Variants in NPLOC4 observed in about 807,000 individuals in gnomAD.
NPLOC4 encodes the protein NPL4 homolog, ubiquitin recognition factor, also known as nuclear protein localization protein 4 homolog.
A neutral mutation model predicts 80.6 loss-of-function variants in NPLOC4; 18 were observed. The ratio of observed to expected loss-of-function variants is 0.22; its 90% confidence interval spans 0.15 to 0.33. NPLOC4 has a LOEUF of 0.33. NPLOC4 is among the 10% of genes least tolerant of loss of function. The pLI is 1.00. For missense variants in NPLOC4, 540 were observed against 786.1 expected (o/e 0.69, Z 3.74); for synonymous variants, 313 against 301.5 (o/e 1.04, Z -0.39).
intron 2 of NPLOC4, among the ~76,000 whole-genome samples, chr17:81,624,584 C>T (rs1263367094): frequency 6.6e-6 from 1 of 151,710 alleles, no homozygotes; most frequent in African/African-American, 2.4e-5. Context: ...GGCAACGGAA[C>T]AAGACTCCAC....
intron 16 of NPLOC4, chr17:81,564,109 C>CACACAG (rs1555677875): frequency 4.8e-5 from 16 of 334,908 alleles, no homozygotes; most frequent in East Asian, 8.6e-5. Flanking sequence ...CACACACACA[C>CACACAG]ACACACACAA....
At chr17:81,569,261 T>C (rs1016500085) in intron 13 of NPLOC4, 150 bp from the exon 14 acceptor site, 2 of 614,694 alleles carry the variant, frequency 3.3e-6, no homozygotes, top group African/African-American at 1.8e-5. Flanking sequence ...AGGGAACCGT[T>C]ATCTATTAGT....
chr17:81,633,047 G>A (rs921609594), intron 1 of NPLOC4, among the ~76,000 whole-genome samples: 3 of 150,092 alleles, frequency 2.0e-5, no homozygotes, highest in African/African-American at 7.4e-5. Flanking sequence ...GGAGAATGGC[G>A]TGAACCCAGG....
chr17:81,591,307 C>T (rs1173151744), intron 11 of NPLOC4, among the ~76,000 whole-genome samples: 2 of 151,752 alleles, frequency 1.3e-5, no homozygotes, highest in South Asian at 2.1e-4. Flanking sequence ...TGGTGGCGTG[C>T]ACCTGTAATC....
At chr17:81,611,982 G>T in intron 4 of NPLOC4, among the ~76,000 whole-genome samples, 1 of 147,510 alleles carries the variant, frequency 6.8e-6, no homozygotes. Flanking sequence ...AAAAAGAAAA[G>T]TGTTAAATAA....
At chr17:81,610,407 T>TTTTAA in intron 4 of NPLOC4, 149 bp from the exon 5 acceptor site, 2 of 693,244 alleles carry the variant, frequency 2.9e-6, no homozygotes, top group Non-Finnish European at 2.5e-6. Context: ...AACATTTATA[T>TTTTAA]TTTAATTGTT....
Position 81,596,249 on chromosome 17 carries a change from C to T in NPLOC4, c.994-7G>A. The T allele has an allele frequency of 6.2e-7, 1 of 1,603,452 alleles. No individual in the cohort carries two copies. The highest frequency in any genetic ancestry group is 1.1e-5 in the South Asian group (1 of 90,112). ...AACTTAGGAAATAGGTGTCCTAAGA[C>T]AAGAGAAGCAGCCTATCAAATTTTA... On this transcript the variant is annotated splice_polypyrimidine_tract_variant and splice_region_variant and intron_variant, in intron 10 of 16. Coordinates refer to ENST00000331134, the MANE Select transcript of NPLOC4 (RefSeq NM_017921.4).
At chr17:81,592,022 T>C (rs766598914) in intron 11 of NPLOC4, among the ~76,000 whole-genome samples, 4 of 152,284 alleles carry the variant, frequency 2.6e-5, no homozygotes, top group Admixed American at 6.5e-5. Context: ...GCACACTTCA[T>C]TGGGGCTCTT....
intron 13 of NPLOC4, among the ~76,000 whole-genome samples, chr17:81,570,289 G>T (rs923979634): frequency 6.6e-6 from 1 of 152,244 alleles, no homozygotes; most frequent in African/African-American, 2.4e-5. Context: ...GGATGAAGAT[G>T]ATCGGAGTAC....
intron 11 of NPLOC4, among the ~76,000 whole-genome samples, chr17:81,593,794 G>T (rs1274746505): frequency 6.6e-6 from 1 of 151,592 alleles, no homozygotes; most frequent in Non-Finnish European, 1.5e-5. Flanking sequence ...TCCCCTCCTG[G>T]GTGCCCAGTG....
At chr17:81,594,369 G>C (rs1016813699) in intron 11 of NPLOC4, among the ~76,000 whole-genome samples, 1 of 149,028 alleles carries the variant, frequency 6.7e-6, no homozygotes, top group Admixed American at 6.7e-5. Context: ...ATTAACGTGT[G>C]AAAGATGCCT....
At chr17:81,630,476 G>C (rs1010011277) in intron 1 of NPLOC4, among the ~76,000 whole-genome samples, 1 of 151,984 alleles carries the variant, frequency 6.6e-6, no homozygotes, top group East Asian at 1.9e-4. Context: ...TAGTGACGGA[G>C]TGTCATATTT....
chr17:81,613,840 C>T (rs575361391), intron 3 of NPLOC4, among the ~76,000 whole-genome samples: 1 of 152,208 alleles, frequency 6.6e-6, no homozygotes, highest in East Asian at 1.9e-4. Flanking sequence ...TGGCCCCCAC[C>T]TCCCTCAGCC....
Position 81,616,853 on chromosome 17 carries a change from A to G in NPLOC4, c.210-3359T>C, listed in dbSNP as rs537692956. Among the ~76,000 whole-genome samples the G allele has an allele frequency of 2.6e-5, 4 of 152,328 alleles. No homozygotes were observed. In the South Asian group the frequency reaches 8.3e-4, roughly 32 times the overall value. On this transcript the variant is annotated intron_variant, in intron 3 of 16. Coordinates refer to ENST00000331134, the MANE Select transcript of NPLOC4 (RefSeq NM_017921.4). ...TATGAGACCGAATATCAACCTCTAC[A>G]TGGGATATTAAATGAACAATGGAAT... is the stretch of plus-strand genomic sequence containing the variant.
chr17:81,631,365 C>T (rs970834305), intron 1 of NPLOC4, among the ~76,000 whole-genome samples: 1 of 147,622 alleles, frequency 6.8e-6, no homozygotes. Flanking sequence ...GCCAACACAG[C>T]GAGACCCCAT....
intron 13 of NPLOC4, among the ~76,000 whole-genome samples, chr17:81,569,925 AGTT>A (rs2034116654): frequency 6.6e-6 from 1 of 152,216 alleles, no homozygotes; most frequent in Admixed American, 6.5e-5. Context: ...CACCGAGTTG[AGTT>A]GATGCTGCTT....
chr17:81,600,583 GC>G (rs2035036458), intron 8 of NPLOC4, among the ~76,000 whole-genome samples, 156 bp from the exon 9 acceptor site: 1 of 151,980 alleles, frequency 6.6e-6, no homozygotes, highest in South Asian at 2.1e-4. Flanking sequence ...CATGCGACAC[GC>G]CTCCCGGCTT....
chr17:81,615,610 G>A (rs2144264899), intron 3 of NPLOC4, among the ~76,000 whole-genome samples: 1 of 152,326 alleles, frequency 6.6e-6, no homozygotes, highest in Non-Finnish European at 1.5e-5. Context: ...AGCTGCTTGT[G>A]GGGCCAAGGC....
At chr17:81,586,470 G>A (rs562640846) in intron 12 of NPLOC4, among the ~76,000 whole-genome samples, 6 of 152,040 alleles carry the variant, frequency 3.9e-5, no homozygotes, top group Non-Finnish European at 8.8e-5. Context: ...AATTAGCCGG[G>A]CAGGTGGCAC....
Sources: gnomAD v4.1 joint callset for allele counts (sites outside exome capture counted in the v4.1 genomes callset) on GRCh38, gnomAD v4.1.1 for gene constraint, MANE v1.5 for transcripts, NCBI Gene and HGNC (gene_info 2026-07-23, HGNC 2026-07-21) for gene names.